VWDE: variants seen among roughly 807,000 people sequenced by gnomAD.
VWDE encodes the protein von Willebrand factor D and EGF domains, also known as von Willebrand factor D and EGF domain-containing protein.
In VWDE, 207 loss-of-function variants were observed where a neutral mutation model predicts 178.4. That is an observed-to-expected ratio of 1.16 (90% CI 1.04 to 1.30). The LOEUF is 1.30. Ranked by LOEUF, VWDE falls within the 50% of genes most tolerant of loss-of-function variation. VWDE has a pLI of 0.00. For synonymous variants in VWDE, 738 were observed against 651.4 expected (o/e 1.13, Z -2.02); for missense variants, 2,287 against 1,901.3 (o/e 1.20, Z -3.77).
Position 12,361,483 on chromosome 7 carries a change from A to G in VWDE, c.2937T>C (p.Tyr979=). ...SSEWMPGEPI[Y]TQTVFHNSRA... The stretch of plus-strand genomic sequence containing the variant: ...TGCTATTGTGGAAAACAGTCTGTGT[A>G]TAGATGGGTTCTCCAGGCATCCATT... Residue 979 remains tyrosine (Y), a synonymous_variant, in exon 14 of 29, where the codon TAT becomes TAC. Transcript: ENST00000275358. 6.4e-7 allele frequency: 1 copy of G among 1,550,846 alleles called. No individual in the cohort carries two copies. The highest frequency in any genetic ancestry group is 8.7e-7 in the Non-Finnish European group (1 of 1,146,500).
chr7:12,388,876 C>CA (rs1364831870), intron 3 of VWDE: 1 of 652,100 alleles, frequency 1.5e-6, no homozygotes, highest in South Asian at 1.5e-5. Context: ...CACACTCAAT[C>CA]ATTATGTCCA....
intron 4 of VWDE, among the ~76,000 whole-genome samples, chr7:12,382,595 A>G (rs553329265): frequency 6.6e-6 from 1 of 152,060 alleles, no homozygotes; most frequent in Admixed American, 6.5e-5. Flanking sequence ...TGAACATTAT[A>G]TGATCTATCC....
At position 12,336,152 on chromosome 7, in the gene VWDE, C is replaced by G. The variant is rs544020247; in HGVS notation, c.4643G>C (p.Arg1548Pro). Residue 1548 changes from arginine (R) to proline (P), a missense_variant, in exon 27 of 29, where the codon CGG becomes CCG. Physicochemically the swap from Arg to Pro is moderately radical, Grantham distance 103. Transcript: ENST00000275358. ...TCCTGTGGGCTTACGTATTTGACAC[C>G]GCACTCCTTCCCAGGAGGAAGGACA... ...CHCPSSWEGV[R>P]CQIPICNPKC... 5.4e-5 allele frequency: 83 copies of G among 1,550,652 alleles called. 2 individuals carry two copies. In the South Asian group the frequency reaches 9.5e-4, roughly 18 times the overall value.
rs1314426472 is a variant in VWDE, at chr7:12,393,836, G to C, written c.59-58C>G. 10 of 1,383,358 alleles carry C rather than the reference G, an allele frequency of 7.2e-6. No individual in the cohort carries two copies. In the South Asian group the frequency reaches 1.5e-4, roughly 21 times the overall value. 85.7% of individuals were successfully genotyped at this position (1,383,358 alleles called of 1,614,324 possible). On this transcript the variant is annotated intron_variant, in intron 1 of 28. Coordinates refer to ENST00000275358, the MANE Select transcript of VWDE (RefSeq NM_001135924.3). The stretch of plus-strand genomic sequence containing the variant: ...GTGTTTTGTTTGTTGACATAGTTCG[G>C]TCCTCAATTAAAATTGATTCCCAAA...
intron 21 of VWDE, 93 bp from the exon 22 acceptor site, chr7:12,343,271 A>G: frequency 1.1e-6 from 1 of 884,866 alleles, no homozygotes; most frequent in Non-Finnish European, 1.7e-6. Context: ...ATCTTGTTGT[A>G]AGAGTAATTT....
chr7:12,342,090 T>A lies in VWDE; in HGVS notation c.4239A>T (p.Lys1413Asn). The A allele has an allele frequency of 6.4e-7, 1 of 1,551,260 alleles. No individual in the cohort carries two copies. Among genetic ancestry groups the A allele is most frequent in the Non-Finnish European group, 8.7e-7 (1 of 1,146,866 alleles). The change falls in exon 23 of 29, where the codon AAA becomes AAT. Residue 1413 changes from lysine to asparagine, a missense_variant. Lys to Asn is a moderately conservative substitution (Grantham distance 94). Transcript: ENST00000275358. ...TACAGGTGGGTCCATACCAGCCAGGTTTGCACTGGCAAATATCTGGTGTAA... is the reference window on the plus strand; with the variant it reads ...TACAGGTGGGTCCATACCAGCCAGGATTGCACTGGCAAATATCTGGTGTAA... ...QCLTPDICQC[K>N]PGWYGPTCST...
At chr7:12,348,792 C>T (rs1442894857) in intron 19 of VWDE, among the ~76,000 whole-genome samples, 1 of 151,040 alleles carries the variant, frequency 6.6e-6, no homozygotes, top group Admixed American at 6.6e-5. Context: ...TTTATTGTGG[C>T]ATTATTCACA....
At chr7:12,381,624 T>A (rs1783857966) in intron 4 of VWDE, among the ~76,000 whole-genome samples, 1 of 152,022 alleles carries the variant, frequency 6.6e-6, no homozygotes, top group African/African-American at 2.4e-5. Context: ...CAATGACAAA[T>A]GAATTATTTT....
chr7:12,393,538 C>G (rs10232837), intron 2 of VWDE, 56 bp downstream of exon 2: 1 of 1,366,596 alleles, frequency 7.3e-7, no homozygotes, highest in Non-Finnish European at 9.7e-7. Flanking sequence ...AGATACAATT[C>G]TCATATGAAA....
rs1490787552 is a variant in VWDE at position 12,370,787 on chromosome 7, A to G, written c.1665T>C (p.Ser555=). The change falls in exon 11 of 29, where the codon AGT becomes AGC. Residue 555 remains serine, a synonymous_variant. Transcript: ENST00000275358. The part of the protein sequence containing the change: ...WGMSLTIRAP[S]VDYRNTLGLC... ...GTCCCAGAGTGTTTCTGTAATCTAC[A>G]CTAGGGGCTCTGATCGTTAGACTCA... 5.2e-6 allele frequency: 8 copies of G among 1,551,168 alleles called. No homozygotes were observed. In the East Asian group the frequency reaches 7.3e-5, roughly 14 times the overall value.
intron 2 of VWDE, among the ~76,000 whole-genome samples, chr7:12,393,332 A>G (rs1426549508): frequency 1.3e-5 from 2 of 152,166 alleles, no homozygotes; most frequent in Non-Finnish European, 2.9e-5. Flanking sequence ...TTTGATGGAA[A>G]TGATGATAGA....
intron 19 of VWDE, among the ~76,000 whole-genome samples, chr7:12,347,710 T>C (rs1297580337): frequency 6.6e-6 from 1 of 151,978 alleles, no homozygotes; most frequent in Non-Finnish European, 1.5e-5. Context: ...CTTCACAGAA[T>C]TGGAAAAAAC....
At chr7:12,369,090 G>T (rs1783012138) in intron 12 of VWDE, among the ~76,000 whole-genome samples, 1 of 152,234 alleles carries the variant, frequency 6.6e-6, no homozygotes, top group South Asian at 2.1e-4. Flanking sequence ...GAGAAAAAGA[G>T]TTTTAAGCAA....
chr7:12,361,289 T>C (rs1381064207), intron 14 of VWDE, 38 bp from the exon 15 acceptor site: 2 of 1,534,422 alleles, frequency 1.3e-6, no homozygotes, highest in Non-Finnish European at 1.8e-6. Flanking sequence ...TGATTTGTTC[T>C]AAATGTTCTA....
Position 12,370,290 on chromosome 7 carries a change from A to G in VWDE, c.2016T>C (p.Ile672=). Residue 672 remains isoleucine, a synonymous_variant, in exon 12 of 29, where the codon ATT becomes ATC. Coordinates refer to ENST00000275358, the MANE Select transcript of VWDE (RefSeq NM_001135924.3). The part of the protein sequence containing the change: ...IPELDVTSEY[I]NSDTLVREIN... ...TCTCTCTGACAAGAGTGTCTGAATT[A>G]ATATATTCGGAGGTGACATCTAGTT... is the stretch of plus-strand genomic sequence containing the variant. 1 of 1,551,156 alleles carries G rather than the reference A, an allele frequency of 6.4e-7. No individual in the cohort carries two copies. Among genetic ancestry groups the G allele is most frequent in the African/African-American group, 1.4e-5 (1 of 73,112 alleles).
chr7:12,391,897 G>A (rs1188260499), intron 2 of VWDE, among the ~76,000 whole-genome samples: 1 of 152,100 alleles, frequency 6.6e-6, no homozygotes, highest in East Asian at 1.9e-4. Context: ...ATGACCTCTA[G>A]GTTAAAAGAA....
At chr7:12,361,625 T>C (rs750379028) in intron 13 of VWDE, 104 bp from the exon 14 acceptor site, 73 of 1,028,604 alleles carry the variant, frequency 7.1e-5, no homozygotes, top group Non-Finnish European at 9.4e-5. Context: ...ATATGCCTAG[T>C]ATAATGTAAT....
chr7:12,403,682 A>G lies in VWDE; in HGVS notation c.35T>C (p.Leu12Pro). 1.3e-6 allele frequency: 2 copies of G among 1,548,134 alleles called. No homozygotes were observed. The highest frequency in any genetic ancestry group is 1.2e-5 in the South Asian group (1 of 84,012). The part of the protein sequence containing the change: ...PGGACVLVIA[L>P]MFLAWGEAQE... ...ACCTTCCCCCCAGGCCAGGAACATC[A>G]GCGCGATCACCAGCACGCAGGCTCC... is the stretch of plus-strand genomic sequence containing the variant. Residue 12 changes from leucine (L) to proline (P), a missense_variant, in exon 1 of 29, where the codon CTG becomes CCG. By Grantham distance (98) the Leu-to-Pro change is moderately conservative. Coordinates refer to ENST00000275358, the MANE Select transcript of VWDE (RefSeq NM_001135924.3).
intron 26 of VWDE, among the ~76,000 whole-genome samples, chr7:12,336,518 G>A (rs1781041506): frequency 6.6e-6 from 1 of 151,808 alleles, no homozygotes; most frequent in Non-Finnish European, 1.5e-5. Context: ...TTTTCATTTT[G>A]ATCAAAACAT....
Sources: gnomAD v4.1 joint callset for allele counts (sites outside exome capture counted in the v4.1 genomes callset) on GRCh38, gnomAD v4.1.1 for gene constraint, MANE v1.5 for transcripts, NCBI Gene and HGNC (gene_info 2026-07-23, HGNC 2026-07-21) for gene names.